Variants in ADAM12 observed in about 807,000 individuals in gnomAD.
ADAM12 encodes disintegrin and metalloproteinase domain-containing protein 12.
ADAM12 carries 70 observed loss-of-function variants against 106.4 expected under a neutral mutation model. That is an observed-to-expected ratio of 0.66 (90% CI 0.54 to 0.80). ADAM12 has a LOEUF of 0.80. Among genes scored for constraint, ADAM12 ranks in the 30% least tolerant of loss-of-function variants. The pLI, the probability that ADAM12 is intolerant of heterozygous loss-of-function variation, is 0.00. For missense variants in ADAM12, 1,010 were observed against 1,171.9 expected, an observed-to-expected ratio of 0.86 and a Z score of 2.02; for synonymous variants, 420 against 433.5, an observed-to-expected ratio of 0.97 and a Z score of 0.39.
chr10:126,241,440 A>C (rs1958521580), intron 3 of ADAM12, among the ~76,000 whole-genome samples: 1 of 152,242 alleles, frequency 6.6e-6, no homozygotes, highest in Admixed American at 6.5e-5. Flanking sequence ...CTTCTAAAAA[A>C]ATATGTCATT....
At chr10:126,054,140 T>G (rs1182672084) in intron 14 of ADAM12, among the ~76,000 whole-genome samples, 3 of 152,228 alleles carry the variant, frequency 2.0e-5, no homozygotes, top group Admixed American at 6.5e-5. Flanking sequence ...CTTCCAACAC[T>G]TTTTAATAGA....
At chr10:126,216,679 G>A (rs898122723) in intron 3 of ADAM12, among the ~76,000 whole-genome samples, 7 of 152,184 alleles carry the variant, frequency 4.6e-5, no homozygotes, top group African/African-American at 1.7e-4. Flanking sequence ...GATGCCTTTG[G>A]TTTTGACCAT....
Position 126,066,637 on chromosome 10 carries a change from C to T in ADAM12, c.1413+80G>A. The T allele has an allele frequency of 2.9e-6, 4 of 1,388,810 alleles. No homozygotes were observed. The highest frequency in any genetic ancestry group is 4.1e-6 in the Non-Finnish European group (4 of 978,992). 86.0% of individuals were successfully genotyped at this position (1,388,810 alleles called of 1,614,324 possible). A position where few individuals can be genotyped will look rare whatever the true frequency, so the allele number is the denominator to read the frequency against. ...TGAGTGCTGGGAAACCTTCCAGCCA[C>T]ACTGCTTGCCCTGCATCAGATCTGA... On this transcript the variant is annotated intron_variant, in intron 13 of 22. Coordinates refer to ENST00000448723, the MANE Select transcript of ADAM12 (RefSeq NM_001288973.2). This position sits in a 1 kb window ranked among gnomAD's most constrained non-coding sequence, Gnocchi z 5.1.
chr10:126,087,439 GT>G (rs1252743194), intron 11 of ADAM12, among the ~76,000 whole-genome samples: 4 of 152,094 alleles, frequency 2.6e-5, no homozygotes, highest in Non-Finnish European at 4.4e-5. Flanking sequence ...AACTAGTAGT[GT>G]TTTCATCTTA....
chr10:126,187,934 T>C (rs1957428924), intron 3 of ADAM12, among the ~76,000 whole-genome samples: 1 of 152,166 alleles, frequency 6.6e-6, no homozygotes. Flanking sequence ...GAGTGTGAGA[T>C]GAGCATCCAA....
chr10:126,374,584 C>T (rs962665897), intron 1 of ADAM12, among the ~76,000 whole-genome samples: 3 of 152,054 alleles, frequency 2.0e-5, no homozygotes, highest in African/African-American at 7.2e-5. Flanking sequence ...AGTCAATAGA[C>T]AGTTTAAACA....
intron 3 of ADAM12, among the ~76,000 whole-genome samples, chr10:126,237,092 C>T (rs575357160): frequency 1.7e-4 from 26 of 152,292 alleles, no homozygotes; most frequent in African/African-American, 3.4e-4. Flanking sequence ...GATGCGTCTA[C>T]GTTAATTAAC....
chr10:126,386,642 A>C (rs989721732), intron 1 of ADAM12, among the ~76,000 whole-genome samples: 1 of 152,192 alleles, frequency 6.6e-6, no homozygotes, highest in African/African-American at 2.4e-5. Context: ...ATAATTTCCC[A>C]TTATTAGCTG....
At chr10:126,321,910 G>C (rs931774213) in intron 2 of ADAM12, among the ~76,000 whole-genome samples, 10 of 142,296 alleles carry the variant, frequency 7.0e-5, no homozygotes, top group South Asian at 2.6e-4. Flanking sequence ...GGGGTCGGGG[G>C]GGGGGCTTCA....
rs114126076 is a variant in ADAM12 at position 126,232,475 on chromosome 10, T to C, written c.260+46440A>G. On this transcript the variant is annotated intron_variant, in intron 3 of 22. Coordinates refer to ENST00000448723, the MANE Select transcript of ADAM12 (RefSeq NM_001288973.2). ...CCAGAATGGTATGACAATAAGTTGA[T>C]GTTGTTTGAAGCCATGAAGTTTGTA... Among the ~76,000 whole-genome samples the C allele has an allele frequency of 9.3e-3, 1,412 of 152,254 alleles. 27 individuals are homozygous for C. Among genetic ancestry groups the C allele is most frequent in the African/African-American group, 0.032 (1,332 of 41,534 alleles).
intron 21 of ADAM12, among the ~76,000 whole-genome samples, chr10:126,022,134 T>C (rs1447602005): frequency 6.6e-6 from 1 of 152,246 alleles, no homozygotes; most frequent in Non-Finnish European, 1.5e-5. Flanking sequence ...GGATTTATCA[T>C]GGAAACATAG....
chr10:126,045,389 G>A (rs1191092225), intron 17 of ADAM12, among the ~76,000 whole-genome samples: 1 of 152,150 alleles, frequency 6.6e-6, no homozygotes, highest in Non-Finnish European at 1.5e-5. Flanking sequence ...CGGTAATTCT[G>A]TGTAAGAATC....
intron 9 of ADAM12, among the ~76,000 whole-genome samples, chr10:126,099,240 A>G (rs1014200183): frequency 8.5e-5 from 13 of 152,208 alleles, no homozygotes; most frequent in Admixed American, 2.6e-4. Context: ...AAAGGAGTCA[A>G]ATGACTTACC....
intron 5 of ADAM12, among the ~76,000 whole-genome samples, chr10:126,119,681 A>C (rs1340453361): frequency 2.0e-5 from 3 of 152,208 alleles, no homozygotes; most frequent in Admixed American, 2.0e-4. Context: ...AAATGGACAA[A>C]TTTGCTGAAG....
intron 21 of ADAM12, among the ~76,000 whole-genome samples, chr10:126,027,159 T>C (rs995710327): frequency 1.3e-5 from 2 of 151,838 alleles, no homozygotes; most frequent in Admixed American, 1.3e-4. Context: ...ACATACAGTC[T>C]CTGAGACTGA....
At position 126,201,931 on chromosome 10, in the gene ADAM12, C is replaced by T. The variant is rs561162142; in HGVS notation, c.261-46626G>A. ...GAGAGGCAGCAGGCTAGTTCAGCAA[C>T]GTTGTCGTTCACATAAAGAACGTCC... is the stretch of plus-strand genomic sequence containing the variant. On this transcript the variant is annotated intron_variant, in intron 3 of 22. Coordinates refer to ENST00000448723, the MANE Select transcript of ADAM12 (RefSeq NM_001288973.2). 5.3e-5 allele frequency among the ~76,000 whole-genome samples: 8 copies of T among 152,270 alleles called. No homozygotes were observed. In the East Asian group the frequency reaches 5.8e-4, roughly 11 times the overall value.
At position 126,043,742 on chromosome 10, in the gene ADAM12, C is replaced by T. The variant is rs1358339764; in HGVS notation, c.1996-594G>A. Among the ~76,000 whole-genome samples the T allele has an allele frequency of 6.6e-6, 1 of 152,346 alleles. No individual in the cohort carries two copies. Among genetic ancestry groups the T allele is most frequent in the East Asian group, 1.9e-4 (1 of 5,184 alleles). ...CCACTAATACTTCCTGAAGCCTGTC[C>T]CCGTGTGTCCTTCCTGCAACGCCTG... On this transcript the variant is annotated intron_variant, in intron 17 of 22. Coordinates refer to ENST00000448723, the MANE Select transcript of ADAM12 (RefSeq NM_001288973.2). The surrounding 1 kb of genome is among the most constrained non-coding windows in gnomAD (Gnocchi z 4.1).
At chr10:126,244,718 T>C (rs1958595427) in intron 3 of ADAM12, among the ~76,000 whole-genome samples, 1 of 152,270 alleles carries the variant, frequency 6.6e-6, no homozygotes, top group South Asian at 2.1e-4. Context: ...AGCAGACCTA[T>C]TAATAGATCT....
chr10:126,135,426 G>A (rs996142389), intron 5 of ADAM12, 158 bp downstream of exon 5: 1 of 676,944 alleles, frequency 1.5e-6, no homozygotes, highest in South Asian at 1.9e-5. Context: ...TGTAAGCAGT[G>A]GAGAGAGGGC....
Sources: allele counts gnomAD v4.1 joint callset (sites outside exome capture counted in the v4.1 genomes callset), GRCh38; gene constraint gnomAD v4.1.1; non-coding constraint Gnocchi (gnomAD v3.1); transcripts MANE v1.5; gene names NCBI Gene and HGNC (gene_info 2026-07-23, HGNC 2026-07-21).